The following MARCHF4 variants were observed in gnomAD, a reference collection of about 807,000 sequenced individuals.
MARCHF4 encodes the protein E3 ubiquitin-protein ligase MARCHF4.
Under a neutral mutation model 43.9 loss-of-function variants are expected in MARCHF4, and 14 were observed. That is an observed-to-expected ratio of 0.32 (90% CI 0.21 to 0.50). The LOEUF (loss-of-function observed/expected upper bound fraction) is 0.50, where lower values mean the gene tolerates loss of function less well. MARCHF4 is among the 20% of genes least tolerant of loss of function. MARCHF4 has a pLI of 0.98. For synonymous variants in MARCHF4, 226 were observed against 213.3 expected (o/e 1.06, Z -0.52); for missense variants, 468 against 536.7 (o/e 0.87, Z 1.27).
chr2:216,368,176 A>C (rs1692696342), intron 1 of MARCHF4, among the ~76,000 whole-genome samples: 1 of 152,240 alleles, frequency 6.6e-6, no homozygotes, highest in African/African-American at 2.4e-5. Flanking sequence ...TTAGGAATTT[A>C]GGAAGCCAAA....
rs1476794248 is a variant in MARCHF4 at position 216,313,487 on chromosome 2, G to T, written c.517-29758C>A. 2.0e-5 allele frequency among the ~76,000 whole-genome samples: 3 copies of T among 152,066 alleles called. No individual in the cohort carries two copies. In the South Asian group the frequency reaches 6.2e-4, roughly 32 times the overall value. Reference sequence around the variant, plus strand: ...TGATATTAAATTCTAAAGACTAAACGTTATGGCTTCCCTAGGCCTGATTGT... The same window carrying T: ...TGATATTAAATTCTAAAGACTAAACTTTATGGCTTCCCTAGGCCTGATTGT... On this transcript the variant is annotated intron_variant, in intron 1 of 3. Coordinates refer to ENST00000273067, the MANE Select transcript of MARCHF4 (RefSeq NM_020814.3).
At chr2:216,284,914 T>C (rs1009972673) in intron 1 of MARCHF4, among the ~76,000 whole-genome samples, 2 of 152,042 alleles carry the variant, frequency 1.3e-5, no homozygotes, top group Non-Finnish European at 2.9e-5. Context: ...CTACTGGGAG[T>C]GGTCCCTGAC....
At chr2:216,301,434 G>A (rs1691492093) in intron 1 of MARCHF4, among the ~76,000 whole-genome samples, 1 of 152,174 alleles carries the variant, frequency 6.6e-6, no homozygotes, top group African/African-American at 2.4e-5. Flanking sequence ...CACTTGTATT[G>A]TCAATCTTCG....
chr2:216,368,540 G>A (rs1432673755), intron 1 of MARCHF4, among the ~76,000 whole-genome samples: 2 of 152,214 alleles, frequency 1.3e-5, no homozygotes, highest in African/African-American at 4.8e-5. Context: ...TCCATTGAGA[G>A]CAAAGCAAGA....
At chr2:216,317,592 T>G (rs1007625074) in intron 1 of MARCHF4, among the ~76,000 whole-genome samples, 1 of 152,136 alleles carries the variant, frequency 6.6e-6, no homozygotes, top group Non-Finnish European at 1.5e-5. Flanking sequence ...TTTTGTATTT[T>G]TAGTAGAGAT....
intron 3 of MARCHF4, among the ~76,000 whole-genome samples, chr2:216,275,871 C>G (rs981831912): frequency 6.6e-6 from 1 of 152,178 alleles, no homozygotes; most frequent in Non-Finnish European, 1.5e-5. Flanking sequence ...ACCAAGCCCC[C>G]TTGTGCTCCT....
chr2:216,332,870 A>G lies in MARCHF4; in HGVS notation c.516+36875T>C, dbSNP rs75288054. Among the ~76,000 whole-genome samples, 1,186 of 152,338 alleles carry G rather than the reference A, an allele frequency of 7.8e-3. 13 individuals are homozygous for G. Among genetic ancestry groups the G allele is most frequent in the African/African-American group, 0.027 (1,120 of 41,570 alleles). The stretch of plus-strand genomic sequence containing the variant: ...CATAGATCCACATACACGGATACAC[A>G]ATTACTTGATTTATGACAAGTGTGA... On this transcript the variant is annotated intron_variant, in intron 1 of 3. Transcript: ENST00000273067.
chr2:216,289,477 G>A (rs1691274094), intron 1 of MARCHF4, among the ~76,000 whole-genome samples: 1 of 152,162 alleles, frequency 6.6e-6, no homozygotes, highest in Non-Finnish European at 1.5e-5. Flanking sequence ...AGAAACTTGT[G>A]ATGGTTGAGG....
Position 216,298,573 on chromosome 2 carries a change from G to C in MARCHF4, c.517-14844C>G, listed in dbSNP as rs145749348. Among the ~76,000 whole-genome samples, 164 of 152,198 alleles carry C rather than the reference G, an allele frequency of 1.1e-3. 1 individual carries two copies. The highest frequency in any genetic ancestry group is 3.4e-3 in the African/African-American group (142 of 41,536). On this transcript the variant is annotated intron_variant, in intron 1 of 3. Transcript: ENST00000273067. ...GAGCCACTATGCACAGCCTCTGTTA[G>C]GTTTTTAAGGTATGTTTTCCTGCTA...
intron 1 of MARCHF4, among the ~76,000 whole-genome samples, chr2:216,361,906 G>A (rs947170749): frequency 6.6e-6 from 1 of 152,200 alleles, no homozygotes; most frequent in African/African-American, 2.4e-5. Context: ...TCAATTAGCA[G>A]TTGTTGTGTG....
chr2:216,359,225 G>A (rs1574487801), intron 1 of MARCHF4, among the ~76,000 whole-genome samples: 1 of 152,164 alleles, frequency 6.6e-6, no homozygotes, highest in Non-Finnish European at 1.5e-5. Flanking sequence ...AGATGTAAGA[G>A]GCATCCCTTC....
chr2:216,369,630 C>T, intron 1 of MARCHF4, 115 bp downstream of exon 1: 1 of 817,334 alleles, frequency 1.2e-6, no homozygotes, highest in Non-Finnish European at 1.9e-6. Flanking sequence ...GGCTCTTAAA[C>T]ATAGAGTCCT....
At chr2:216,350,654 A>G (rs1474994572) in intron 1 of MARCHF4, among the ~76,000 whole-genome samples, 3 of 151,936 alleles carry the variant, frequency 2.0e-5, no homozygotes, top group East Asian at 3.9e-4. Flanking sequence ...ACATGCTCCT[A>G]CCACCAGCTA....
intron 2 of MARCHF4, among the ~76,000 whole-genome samples, chr2:216,282,573 T>C (rs1450977682): frequency 6.6e-6 from 1 of 152,176 alleles, no homozygotes; most frequent in Non-Finnish European, 1.5e-5. Context: ...CAGCTTAATT[T>C]GTTGATCATG....
rs181201293 is a variant in MARCHF4 at position 216,314,473 on chromosome 2, G to A, written c.517-30744C>T. On this transcript the variant is annotated intron_variant, in intron 1 of 3. Transcript: ENST00000273067. ...TGAGTAGCTGGGATTACAGGCACAC[G>A]CCACCACGCCCAGCTAATTTTTGTA... 2.1e-3 allele frequency among the ~76,000 whole-genome samples: 316 copies of A among 151,974 alleles called. 2 individuals carry two copies. The highest frequency in any genetic ancestry group is 7.4e-3 in the African/African-American group (308 of 41,448).
At chr2:216,271,857 C>A (rs1460071100) in intron 3 of MARCHF4, among the ~76,000 whole-genome samples, 2 of 151,830 alleles carry the variant, frequency 1.3e-5, no homozygotes, top group Non-Finnish European at 2.9e-5. Context: ...GTGGCACCAT[C>A]ATAACTCACT....
chr2:216,277,989 T>C, intron 2 of MARCHF4, 125 bp from the exon 3 acceptor site: 1 of 792,720 alleles, frequency 1.3e-6, no homozygotes, highest in South Asian at 2.2e-5. Context: ...CTTTCCAACC[T>C]GTGGTACAAT....
intron 3 of MARCHF4, among the ~76,000 whole-genome samples, chr2:216,272,869 T>C (rs1480277234): frequency 6.6e-6 from 1 of 152,236 alleles, no homozygotes; most frequent in Non-Finnish European, 1.5e-5. Flanking sequence ...TCTAAAGACA[T>C]CATCCTCAAC....
chr2:216,273,728 C>T (rs2577789), intron 3 of MARCHF4, among the ~76,000 whole-genome samples: 14,190 of 152,206 alleles, frequency 0.093, 2,183 homozygotes, highest in African/African-American at 0.32. Context: ...AAGATAGATG[C>T]CTCCCGTGGC....
Sources: gnomAD v4.1 joint callset for allele counts (sites outside exome capture counted in the v4.1 genomes callset) on GRCh38, gnomAD v4.1.1 for gene constraint, MANE v1.5 for transcripts, NCBI Gene and HGNC (gene_info 2026-07-23, HGNC 2026-07-21) for gene names.